Variants in HDAC9 observed in about 807,000 individuals in gnomAD.
The protein encoded by HDAC9 is MEF-2 interacting transcription repressor (MITR) protein.
In HDAC9, 41 loss-of-function variants were observed where a neutral mutation model predicts 139.4. That is an observed-to-expected ratio of 0.29 (90% CI 0.23 to 0.38). The LOEUF (loss-of-function observed/expected upper bound fraction) is 0.38, where lower values mean the gene tolerates loss of function less well. Among genes scored for constraint, HDAC9 ranks in the 10% least tolerant of loss-of-function variants. The pLI, the probability that HDAC9 is intolerant of heterozygous loss-of-function variation, is 1.00. For synonymous variants in HDAC9, 517 were observed against 476.2 expected, an observed-to-expected ratio of 1.09 and a Z score of -1.12; for missense variants, 1,147 against 1,297.0, an observed-to-expected ratio of 0.88 and a Z score of 1.78.
At chr7:18,786,472 TCC>T (rs1249155160) in intron 16 of HDAC9, among the ~76,000 whole-genome samples, 261 of 23,654 alleles carry the variant, frequency 0.011, no homozygotes, top group African/African-American at 0.017. Context: ...CTTCCTTTCG[TCC>T]TTCCTTCCTT....
chr7:18,619,960 A>G (rs1289504666), intron 6 of HDAC9, among the ~76,000 whole-genome samples: 2 of 152,170 alleles, frequency 1.3e-5, no homozygotes, highest in Non-Finnish European at 2.9e-5. Context: ...CACTCTGCTT[A>G]TACCTATCAC....
intron 6 of HDAC9, among the ~76,000 whole-genome samples, chr7:18,619,478 A>T (rs1584213070): frequency 6.6e-6 from 1 of 152,320 alleles, no homozygotes; most frequent in Middle Eastern, 3.4e-3. Flanking sequence ...CTAAGCATCA[A>T]GGGCTGGAGC....
chr7:18,759,267 G>A (rs1225880713), intron 14 of HDAC9, among the ~76,000 whole-genome samples: 1 of 152,120 alleles, frequency 6.6e-6, no homozygotes, highest in Non-Finnish European at 1.5e-5. Flanking sequence ...GGCCTGTAAG[G>A]AACCAGGCTG....
chr7:18,261,147 T>TA (rs79946005), intron 2 of HDAC9, among the ~76,000 whole-genome samples: 11 of 148,512 alleles, frequency 7.4e-5, no homozygotes, highest in African/African-American at 1.7e-4. Context: ...TACAAAAAAT[T>TA]AAAAAAAAAA....
chr7:18,834,508 C>G (rs999159077), intron 19 of HDAC9, among the ~76,000 whole-genome samples: 1 of 147,828 alleles, frequency 6.8e-6, no homozygotes, highest in Non-Finnish European at 1.5e-5. Context: ...GAAAAAAGAA[C>G]TGTCAAGTTT....
intron 2 of HDAC9, 95 bp from the exon 3 acceptor site, chr7:18,585,186 T>G (rs1583700763): frequency 7.2e-7 from 1 of 1,380,614 alleles, no homozygotes; most frequent in Non-Finnish European, 1.0e-6. Context: ...TTGTACAGGG[T>G]CTTATACTTT....
At chr7:18,451,429 A>ATGTGTGTGTGTGTGTGTATATATATG (rs1792847722) in intron 1 of HDAC9, among the ~76,000 whole-genome samples, 9 of 137,734 alleles carry the variant, frequency 6.5e-5, no homozygotes, top group African/African-American at 2.5e-4. Context: ...GTGTATATAT[A>ATGTGTGTGTGTGTGTGTATATATATG]TGTGTGTGTG....
chr7:18,176,227 A>T (rs1406569837), intron 2 of HDAC9, among the ~76,000 whole-genome samples: 1 of 152,216 alleles, frequency 6.6e-6, no homozygotes, highest in Non-Finnish European at 1.5e-5. Flanking sequence ...GTTACTGGAA[A>T]GCCTGCTTGA....
chr7:18,597,816 T>C (rs944106310), intron 6 of HDAC9, among the ~76,000 whole-genome samples: 5 of 152,312 alleles, frequency 3.3e-5, no homozygotes, highest in African/African-American at 1.2e-4. Context: ...CCTCTTAAAG[T>C]GCACAAGCCA....
intron 12 of HDAC9, among the ~76,000 whole-genome samples, chr7:18,675,205 C>A (rs1482587980): frequency 6.6e-6 from 1 of 151,972 alleles, no homozygotes; most frequent in Non-Finnish European, 1.5e-5. Flanking sequence ...ATGCATCAAA[C>A]CCTATGTATG....
chr7:18,540,761 T>G (rs898358211), intron 2 of HDAC9, among the ~76,000 whole-genome samples: 24 of 152,192 alleles, frequency 1.6e-4, no homozygotes, highest in Admixed American at 5.2e-4. Flanking sequence ...CTATTATATT[T>G]AGAAAAGGAA....
chr7:18,743,102 A>T lies in HDAC9; in HGVS notation c.1910-5903A>T, dbSNP rs537331151. On this transcript the variant is annotated intron_variant, in intron 13 of 25. Coordinates refer to ENST00000686413, the MANE Select transcript of HDAC9 (RefSeq NM_178425.4). ...TGTTTTTTTTTCTCACTCATTCTTGAATGTAGAAAAGCTTTCCAGATATTT... is the reference window on the plus strand; with the variant it reads ...TGTTTTTTTTTCTCACTCATTCTTGTATGTAGAAAAGCTTTCCAGATATTT... 2.0e-5 allele frequency among the ~76,000 whole-genome samples: 3 copies of T among 152,102 alleles called. No individual in the cohort carries two copies. In the South Asian group the frequency reaches 6.2e-4, roughly 32 times the overall value.
rs1789910121 is a variant in HDAC9 at position 18,767,254 on chromosome 7, A to C, written c.2214+99A>C. ...CAGTTTTAGGGTTATTTCTCAGTAA[A>C]AGTTATGCTAGACTTCAGGACTGCC... On this transcript the variant is annotated intron_variant, in intron 16 of 25. Coordinates refer to ENST00000686413, the MANE Select transcript of HDAC9 (RefSeq NM_178425.4). 4 of 615,064 alleles carry C rather than the reference A, an allele frequency of 6.5e-6. No individual in the cohort carries two copies. The East Asian group carries it at 1.3e-4, about 20-fold the overall frequency. The allele number at this position is 615,064 out of a possible 1,614,324, so 38.1% of individuals were successfully genotyped here. A position where few individuals can be genotyped will look rare whatever the true frequency, so the allele number is the denominator to read the frequency against.
intron 1 of HDAC9, among the ~76,000 whole-genome samples, chr7:18,348,032 G>C (rs1001862091): frequency 6.6e-6 from 1 of 152,128 alleles, no homozygotes; most frequent in South Asian, 2.1e-4. Context: ...TTGAAAGACG[G>C]ATCATGCAGT....
intron 1 of HDAC9, among the ~76,000 whole-genome samples, chr7:18,106,424 G>C (rs921770633): frequency 3.2e-4 from 48 of 151,830 alleles, no homozygotes; most frequent in African/African-American, 1.1e-3. Flanking sequence ...AGAGTTCCAT[G>C]CTGTCTATGA....
chr7:18,822,669 T>A lies in HDAC9; in HGVS notation c.2323-6492T>A, dbSNP rs117570785. ...CACCTGGCCACATATTTCTTTTTTA[T>A]GTCATAGGTGAACAGAGACCAGATC... On this transcript the variant is annotated intron_variant, in intron 17 of 25. Transcript: ENST00000686413. Among the ~76,000 whole-genome samples the A allele has an allele frequency of 5.6e-4, 86 of 152,272 alleles. 3 individuals carry two copies. The East Asian group carries it at 0.016, about 28-fold the overall frequency.
At chr7:18,148,731 A>T (rs994862106) in intron 1 of HDAC9, among the ~76,000 whole-genome samples, 1 of 152,072 alleles carries the variant, frequency 6.6e-6, no homozygotes, top group African/African-American at 2.4e-5. Flanking sequence ...AAGTGCTGGG[A>T]TTACAGGTGT....
chr7:18,638,349 T>G, intron 8 of HDAC9, among the ~76,000 whole-genome samples: 1 of 152,198 alleles, frequency 6.6e-6, no homozygotes, highest in East Asian at 1.9e-4. Flanking sequence ...GTAATTCACA[T>G]GTCCTGCCTA....
chr7:18,403,377 G>A (rs958598859), intron 1 of HDAC9, among the ~76,000 whole-genome samples: 10 of 152,020 alleles, frequency 6.6e-5, no homozygotes, highest in African/African-American at 2.2e-4. Flanking sequence ...GGCAGAACAG[G>A]TTTAACTATT....
Sources: allele counts gnomAD v4.1 joint callset (sites outside exome capture counted in the v4.1 genomes callset), GRCh38; gene constraint gnomAD v4.1.1; transcripts MANE v1.5; gene names NCBI Gene and HGNC (gene_info 2026-07-23, HGNC 2026-07-21).